The following KANK4 variants were observed in gnomAD, a reference collection of about 807,000 sequenced individuals.
KANK4 encodes the protein KN motif and ankyrin repeat domain-containing protein 4.
KANK4 carries 50 observed loss-of-function variants against 80.8 expected under a neutral mutation model. The observed-to-expected ratio is 0.62, with a 90% CI of 0.49 to 0.78. The LOEUF (loss-of-function observed/expected upper bound fraction) is 0.78, where lower values mean the gene tolerates loss of function less well. KANK4 is among the 30% of genes least tolerant of loss of function. The probability of loss-of-function intolerance (pLI) is 0.00; values close to 1 mark genes in which losing one functional copy is unlikely to be tolerated. For synonymous variants in KANK4, 465 were observed against 506.9 expected, an observed-to-expected ratio of 0.92 and a Z score of 1.11; for missense variants, 1,196 against 1,240.1, an observed-to-expected ratio of 0.96 and a Z score of 0.53.
chr1:62,302,908 C>T (rs1644423284), intron 1 of KANK4, among the ~76,000 whole-genome samples: 2 of 152,100 alleles, frequency 1.3e-5, no homozygotes, highest in South Asian at 4.1e-4. Flanking sequence ...GAGTTCATGG[C>T]TTTTACCCAA....
chr1:62,252,052 G>A (rs1459721244), intron 8 of KANK4, among the ~76,000 whole-genome samples: 3 of 151,880 alleles, frequency 2.0e-5, no homozygotes, highest in Non-Finnish European at 4.4e-5. Context: ...AGTTATCAGA[G>A]GTGTCTAGAG....
At chr1:62,266,269 C>T (rs1427692274) in intron 6 of KANK4, among the ~76,000 whole-genome samples, 1 of 152,228 alleles carries the variant, frequency 6.6e-6, no homozygotes, top group Non-Finnish European at 1.5e-5. Flanking sequence ...GGAGAGAACA[C>T]CCAGAGGAAA....
chr1:62,303,664 G>A (rs1468692081), intron 1 of KANK4, among the ~76,000 whole-genome samples: 1 of 152,000 alleles, frequency 6.6e-6, no homozygotes, highest in Non-Finnish European at 1.5e-5. Flanking sequence ...AAAATGTGCT[G>A]TAAGTGTAAA....
In KANK4 at chr1:62,274,624, C is replaced by G; in HGVS notation, c.480G>C (p.Leu160Phe). 6.2e-7 allele frequency: 1 copy of G among 1,614,180 alleles called. No homozygotes were observed. Among genetic ancestry groups the G allele is most frequent in the African/African-American group, 1.3e-5 (1 of 75,072 alleles). ...GCGTGGCAGGCATGCTGGATGCTCT[C>G]AAGAGCTGGGGCCGTCCACTCCCAA... is the stretch of plus-strand genomic sequence containing the variant. ...LTFGSGRPQL[L>F]RASSMPATLL... The change falls in exon 3 of 10, where the codon TTG becomes TTC. Residue 160 changes from leucine to phenylalanine, a missense_variant. Around this residue, in one of 3 missense-constraint regions of KANK4, gnomAD observed 1,154 missense variants for 1,179.6 expected, o/e 0.98. Transcript: ENST00000371153.
rs549757888 is a variant in KANK4 at position 62,256,168 on chromosome 1, T to C, written c.2540-2959A>G. On this transcript the variant is annotated intron_variant, in intron 7 of 9. Transcript: ENST00000371153. The stretch of plus-strand genomic sequence containing the variant: ...TGGCCCAGGGAAGCCAAAGATTGGA[T>C]ACCCCTGACTTAGAATCATGCCTAG... Among the ~76,000 whole-genome samples the C allele has an allele frequency of 8.5e-5, 13 of 152,334 alleles. 1 individual carries two copies. In the South Asian group the frequency reaches 2.7e-3, roughly 32 times the overall value.
At position 62,246,398 on chromosome 1, in the gene KANK4, G is replaced by C. The variant is rs552847705; in HGVS notation, c.2883+1074C>G. On this transcript the variant is annotated intron_variant, in intron 9 of 9. Transcript: ENST00000371153. Reference sequence around the variant, plus strand: ...AGGTTGATTCCTTCTGAAGGCTTTTGAGTCCCTGCTGGACAGCAGAGCTTC... The same window carrying C: ...AGGTTGATTCCTTCTGAAGGCTTTTCAGTCCCTGCTGGACAGCAGAGCTTC... 3.3e-5 allele frequency among the ~76,000 whole-genome samples: 5 copies of C among 152,172 alleles called. No individual in the cohort carries two copies. The South Asian group carries it at 1.0e-3, about 32-fold the overall frequency.
At position 62,274,266 on chromosome 1, in the gene KANK4, CA is replaced by C. The variant is rs775089809; in HGVS notation, c.837del (p.Gly280AlafsTer37). ...GGTGGCGGGCTTGGCGTAGGGGAGC[CA>C]GGGGTGAACAACACCTCTGCTTCTC... ...NAREAEVLFTPGSPTPSPPPL... is the reference protein window; with the variant it reads ...NAREAEVLFTXGSPTPSPPPL... On this transcript the variant is annotated frameshift_variant, in exon 3 of 10. Coordinates refer to ENST00000371153, the MANE Select transcript of KANK4 (RefSeq NM_181712.5). LOFTEE classifies it high-confidence loss of function. 2.5e-6 allele frequency: 4 copies of C among 1,613,880 alleles called. No individual in the cohort carries two copies. In the South Asian group the frequency reaches 4.4e-5, roughly 18 times the overall value.
intron 1 of KANK4, among the ~76,000 whole-genome samples, chr1:62,306,910 G>C (rs4915609): frequency 0.37 from 56,756 of 151,954 alleles, 11,868 homozygotes; most frequent in East Asian, 0.63. Context: ...CAAACACACA[G>C]AAACATTTCA....
chr1:62,262,229 C>A lies in KANK4; in HGVS notation c.2539+863G>T, dbSNP rs55782095. On this transcript the variant is annotated intron_variant, in intron 7 of 9. Coordinates refer to ENST00000371153, the MANE Select transcript of KANK4 (RefSeq NM_181712.5). ...GGACAGAGTACAAAACCTGACTCTA[C>A]CCTTGACCAGCGCTGTAACTTGAGC... 3.9e-3 allele frequency among the ~76,000 whole-genome samples: 591 copies of A among 152,320 alleles called. 4 individuals are homozygous for A. Among genetic ancestry groups the A allele is most frequent in the African/African-American group, 0.013 (554 of 41,580 alleles).
chr1:62,285,932 ATT>A (rs1458470187), intron 1 of KANK4, among the ~76,000 whole-genome samples: 1 of 152,228 alleles, frequency 6.6e-6, no homozygotes, highest in Non-Finnish European at 1.5e-5. Flanking sequence ...GCTTCTAAAC[ATT>A]GAGAGGGCCG....
chr1:62,315,935 C>T (rs1045787014), intron 1 of KANK4, among the ~76,000 whole-genome samples: 6 of 152,206 alleles, frequency 3.9e-5, no homozygotes, highest in Non-Finnish European at 7.3e-5. Flanking sequence ...GGAATCAGCA[C>T]GGGTCCTGGC....
intron 1 of KANK4, among the ~76,000 whole-genome samples, chr1:62,288,983 C>G (rs2149159078): frequency 1.3e-5 from 2 of 152,272 alleles, no homozygotes; most frequent in African/African-American, 4.8e-5. Flanking sequence ...ATGCCATACC[C>G]TACAATGAGC....
At chr1:62,302,334 G>A (rs548827669) in intron 1 of KANK4, among the ~76,000 whole-genome samples, 1 of 152,076 alleles carries the variant, frequency 6.6e-6, no homozygotes, top group South Asian at 2.1e-4. Context: ...AAGAGGAGCT[G>A]GCATAGGAGT....
rs890548186 is a variant in KANK4, at chr1:62,236,435, C to A, written c.*1842G>T. ...GAGGTCAAAATAAACTCATTTAAAGCATTTTTTTTCTCATTATTTGCTCCA... is the reference window on the plus strand; with the variant it reads ...GAGGTCAAAATAAACTCATTTAAAGAATTTTTTTTCTCATTATTTGCTCCA... On this transcript the variant is annotated 3_prime_UTR_variant, in exon 10 of 10. Coordinates refer to ENST00000371153, the MANE Select transcript of KANK4 (RefSeq NM_181712.5). 6.6e-6 allele frequency among the ~76,000 whole-genome samples: 1 copy of A among 152,052 alleles called. No individual in the cohort carries two copies. Among genetic ancestry groups the A allele is most frequent in the Non-Finnish European group, 1.5e-5 (1 of 68,012 alleles).
intron 2 of KANK4, among the ~76,000 whole-genome samples, chr1:62,278,067 C>T (rs951739107): frequency 1.3e-5 from 2 of 152,104 alleles, no homozygotes; most frequent in Non-Finnish European, 2.9e-5. Flanking sequence ...CTTGTATGCA[C>T]GCGAACAAGC....
chr1:62,296,515 C>T (rs1368814289), intron 1 of KANK4, among the ~76,000 whole-genome samples: 1 of 152,166 alleles, frequency 6.6e-6, no homozygotes, highest in Non-Finnish European at 1.5e-5. Flanking sequence ...TAGAAGGCTC[C>T]GAAAGCACAG....
chr1:62,257,662 C>T (rs776626558), intron 7 of KANK4, among the ~76,000 whole-genome samples: 1 of 152,112 alleles, frequency 6.6e-6, no homozygotes, highest in Admixed American at 6.5e-5. Context: ...TCTAAGGACA[C>T]CCCAGGTTTG....
At chr1:62,319,029 C>T (rs1571065482) in intron 1 of KANK4, 77 bp downstream of exon 1, 1 of 152,630 alleles carries the variant, frequency 6.6e-6, no homozygotes, top group East Asian at 1.9e-4. Context: ...CCGGGGCCAA[C>T]ACTCGGGTCG....
intron 1 of KANK4, among the ~76,000 whole-genome samples, chr1:62,313,928 G>A (rs1044321108): frequency 2.6e-5 from 4 of 151,934 alleles, no homozygotes; most frequent in Admixed American, 2.0e-4. Context: ...ACTCAACGTC[G>A]TACCTAATAA....
Sources: gnomAD v4.1 joint callset for allele counts (sites outside exome capture counted in the v4.1 genomes callset) on GRCh38, gnomAD v4.1.1 for gene constraint, gnomAD v4.1.1 regional missense constraint, MANE v1.5 for transcripts, NCBI Gene and HGNC (gene_info 2026-07-23, HGNC 2026-07-21) for gene names.